STRN3: variants seen among roughly 807,000 people sequenced by gnomAD.
STRN3 encodes striatin-3.
In STRN3, 29 loss-of-function variants were observed where a neutral mutation model predicts 95.6. The observed-to-expected ratio is 0.30, with a 90% CI of 0.23 to 0.41. The LOEUF is 0.41. Ranked by LOEUF, STRN3 falls within the 10% of genes least tolerant of loss-of-function variation. STRN3 has a pLI of 1.00. For missense variants in STRN3, 890 were observed against 972.1 expected (o/e 0.92, Z 1.12); for synonymous variants, 331 against 357.6 (o/e 0.93, Z 0.84).
intron 8 of STRN3, among the ~76,000 whole-genome samples, chr14:30,923,958 A>G (rs1027472181): frequency 1.2e-4 from 19 of 152,174 alleles, no homozygotes; most frequent in African/African-American, 4.1e-4. Context: ...GGAGACCTTA[A>G]AAAGTTAGAA....
At chr14:30,944,020 A>G (rs1448444325) in intron 5 of STRN3, among the ~76,000 whole-genome samples, 7 of 152,110 alleles carry the variant, frequency 4.6e-5, no homozygotes, top group Admixed American at 1.3e-4. Context: ...CCCATGTTGT[A>G]TTTAACATAC....
At chr14:31,020,414 G>A (rs948024160) in intron 1 of STRN3, among the ~76,000 whole-genome samples, 9 of 151,906 alleles carry the variant, frequency 5.9e-5, no homozygotes, top group African/African-American at 2.2e-4. Context: ...CATGAGAACT[G>A]CCTGAACCCA....
intron 9 of STRN3, among the ~76,000 whole-genome samples, chr14:30,917,642 T>C (rs1200893186): frequency 6.6e-6 from 1 of 152,144 alleles, no homozygotes; most frequent in Non-Finnish European, 1.5e-5. Context: ...AAATGAGATC[T>C]GAAAAAATTA....
chr14:30,934,463 C>T (rs566818497), intron 7 of STRN3, among the ~76,000 whole-genome samples: 5 of 152,206 alleles, frequency 3.3e-5, no homozygotes, highest in East Asian at 3.9e-4. Context: ...ACATAAATGA[C>T]GTCAGCTATT....
intron 9 of STRN3, among the ~76,000 whole-genome samples, chr14:30,915,046 G>C (rs569486882): frequency 2.4e-4 from 36 of 152,098 alleles, no homozygotes; most frequent in Admixed American, 2.0e-3. Flanking sequence ...AAGATAACAA[G>C]GGAGAAATAC....
chr14:31,023,488 C>A (rs1359894388), intron 1 of STRN3, among the ~76,000 whole-genome samples: 1 of 152,128 alleles, frequency 6.6e-6, no homozygotes, highest in Non-Finnish European at 1.5e-5. Flanking sequence ...TATTATTCCC[C>A]ATTAAAATTT....
chr14:30,949,073 G>A lies in STRN3; in HGVS notation c.542+1790C>T, dbSNP rs140385213. 2.8e-4 allele frequency among the ~76,000 whole-genome samples: 43 copies of A among 152,270 alleles called. No individual in the cohort carries two copies. The East Asian group carries it at 7.5e-3, about 27-fold the overall frequency. ...GAAAAGAATAAACCTAAGATAGAGAGGAGCAGAAAATCAAATAAGAATGTC... is the reference window on the plus strand; with the variant it reads ...GAAAAGAATAAACCTAAGATAGAGAAGAGCAGAAAATCAAATAAGAATGTC... On this transcript the variant is annotated intron_variant, in intron 4 of 17. Transcript: ENST00000357479.
Position 30,945,219 on chromosome 14 carries a change from G to A in STRN3, c.716+1871C>T, listed in dbSNP as rs147285385. On this transcript the variant is annotated intron_variant, in intron 5 of 17. Transcript: ENST00000357479. ...ATCCTTTTAGTACTGCTGGTGGGGAGGTAAAACAGTGCAGCTACCTTGGAA... is the reference window on the plus strand; with the variant it reads ...ATCCTTTTAGTACTGCTGGTGGGGAAGTAAAACAGTGCAGCTACCTTGGAA... Among the ~76,000 whole-genome samples, 53 of 152,286 alleles carry A rather than the reference G, an allele frequency of 3.5e-4. No homozygotes were observed. In the East Asian group the frequency reaches 9.4e-3, roughly 27 times the overall value.
intron 1 of STRN3, among the ~76,000 whole-genome samples, chr14:31,016,936 C>G (rs2139340944): frequency 6.6e-6 from 1 of 152,290 alleles, no homozygotes; most frequent in South Asian, 2.1e-4. Flanking sequence ...TGGCAGATAG[C>G]TTGAGCCCAG....
At chr14:30,989,740 G>A (rs534503863) in intron 1 of STRN3, among the ~76,000 whole-genome samples, 39 of 152,206 alleles carry the variant, frequency 2.6e-4, no homozygotes, top group African/African-American at 8.7e-4. Flanking sequence ...TTACAGGCGT[G>A]AGCCACCGCG....
intron 1 of STRN3, among the ~76,000 whole-genome samples, chr14:30,993,492 A>C (rs1286696673): frequency 6.6e-6 from 1 of 152,234 alleles, no homozygotes; most frequent in African/African-American, 2.4e-5. Context: ...AATGACTTAA[A>C]TATAACATGA....
intron 1 of STRN3, among the ~76,000 whole-genome samples, chr14:31,003,738 A>T (rs961523625): frequency 6.8e-6 from 1 of 146,630 alleles, no homozygotes; most frequent in Non-Finnish European, 1.5e-5. Flanking sequence ...CCCAGCCTGA[A>T]GTGTTCCTTA....
chr14:31,020,926 C>A (rs897641537), intron 1 of STRN3, among the ~76,000 whole-genome samples: 1 of 152,016 alleles, frequency 6.6e-6, no homozygotes, highest in African/African-American at 2.4e-5. Context: ...AAAATTATTT[C>A]TAGAGTATAA....
At chr14:31,013,973 G>C (rs1883117467) in intron 1 of STRN3, among the ~76,000 whole-genome samples, 1 of 148,340 alleles carries the variant, frequency 6.7e-6, no homozygotes, top group Non-Finnish European at 1.5e-5. Flanking sequence ...TGAGATCATG[G>C]CTCACAGCAG....
At position 31,025,620 on chromosome 14, in the gene STRN3, G is replaced by T. The variant is rs2139373378; in HGVS notation, c.282+284C>A. ...CAAGCCCCGGAGGCCCGGGAAGGCC[G>T]CCTCCGGAGGAGCCCCCGCAGACGC... On this transcript the variant is annotated intron_variant, in intron 1 of 17. Coordinates refer to ENST00000357479, the MANE Select transcript of STRN3 (RefSeq NM_001083893.2). The T allele has an allele frequency of 8.1e-6, 4 of 492,428 alleles. No homozygotes were observed. In the East Asian group the frequency reaches 1.6e-4, roughly 20 times the overall value. The allele number at this position is 492,428 out of a possible 1,614,324, so 30.5% of individuals were successfully genotyped here.
intron 13 of STRN3, among the ~76,000 whole-genome samples, chr14:30,908,580 T>A (rs964073978): frequency 6.6e-6 from 1 of 152,166 alleles, no homozygotes; most frequent in Admixed American, 6.5e-5. Context: ...AAACTTTATA[T>A]CATATTATTG....
At chr14:30,936,737 CTACT>C in intron 5 of STRN3, 113 bp from the exon 6 acceptor site, 1 of 1,283,256 alleles carries the variant, frequency 7.8e-7, no homozygotes, top group South Asian at 1.7e-5. Flanking sequence ...GAATGACTAC[CTACT>C]GTCTGAGGGC....
At chr14:31,025,760 G>A (rs1197468701) in intron 1 of STRN3, 144 bp downstream of exon 1, 1 of 1,144,208 alleles carries the variant, frequency 8.7e-7, no homozygotes, top group Non-Finnish European at 1.2e-6. Flanking sequence ...AAGCCGTTGA[G>A]AGGACCATCA....
At chr14:30,927,904 G>C (rs1045954427) in intron 8 of STRN3, among the ~76,000 whole-genome samples, 1 of 129,756 alleles carries the variant, frequency 7.7e-6, no homozygotes, top group African/African-American at 3.0e-5. Flanking sequence ...CTGCACTCCA[G>C]CCAGGGCGAC....
Sources: gnomAD v4.1 joint callset for allele counts (sites outside exome capture counted in the v4.1 genomes callset) on GRCh38, gnomAD v4.1.1 for gene constraint, MANE v1.5 for transcripts, NCBI Gene and HGNC (gene_info 2026-07-23, HGNC 2026-07-21) for gene names.